Variants in USP36 observed in about 807,000 individuals in gnomAD.
USP36 encodes ubiquitin carboxyl-terminal hydrolase 36.
In USP36, 59 loss-of-function variants were observed where a neutral mutation model predicts 111.5. The ratio of observed to expected loss-of-function variants is 0.53; its 90% CI spans 0.43 to 0.66. USP36 has a LOEUF of 0.66. Ranked by LOEUF, USP36 falls within the 30% of genes least tolerant of loss-of-function variation. The pLI is 0.00. For synonymous variants in USP36, 628 were observed against 581.0 expected, an observed-to-expected ratio of 1.08 and a Z score of -1.16; for missense variants, 1,488 against 1,468.0, an observed-to-expected ratio of 1.01 and a Z score of -0.22.
At chr17:78,823,648 G>A (rs955254458) in intron 6 of USP36, among the ~76,000 whole-genome samples, 7 of 152,178 alleles carry the variant, frequency 4.6e-5, no homozygotes, top group Admixed American at 6.5e-5. Flanking sequence ...TCACAGGCAC[G>A]CAGCTGGAGT....
intron 14 of USP36, 47 bp downstream of exon 14, chr17:78,806,912 T>C (rs2093917192): frequency 1.9e-6 from 3 of 1,591,640 alleles, no homozygotes; most frequent in East Asian, 2.2e-5. Flanking sequence ...AAGCAACTCT[T>C]GGAGCTCTCC....
intron 2 of USP36, among the ~76,000 whole-genome samples, chr17:78,837,896 A>G (rs1346835380): frequency 2.6e-5 from 4 of 152,178 alleles, no homozygotes; most frequent in Non-Finnish European, 5.9e-5. Context: ...AATTCTATAC[A>G]TGGATCAAGT....
chr17:78,798,825 C>T lies in USP36; in HGVS notation c.3240+83G>A, dbSNP rs564445034. On this transcript the variant is annotated intron_variant, in intron 19 of 20. Transcript: ENST00000449938. This position sits in a 1 kb window ranked among gnomAD's most constrained non-coding sequence, Gnocchi z 5.1. ...CATGCTCGGCCGCTTCATGCCACTG[C>T]CGCCACCTCCAACTGCCCCGGCTCT... The T allele has an allele frequency of 6.6e-6, 10 of 1,521,564 alleles. No individual in the cohort carries two copies. In the East Asian group the frequency reaches 1.4e-4, roughly 21 times the overall value. 94.3% of individuals were successfully genotyped at this position (1,521,564 alleles called of 1,614,324 possible).
At position 78,833,101 on chromosome 17, in the gene USP36, T is replaced by C. The variant is rs137984862; in HGVS notation, c.475+2179A>G. ...AGGCGGGGGTTGCAGTGAGCCGAGA[T>C]TGCACCACTGCACTCCAGCCTGGGC... On this transcript the variant is annotated intron_variant, in intron 4 of 20. Transcript: ENST00000449938. Among the ~76,000 whole-genome samples, 810 of 151,902 alleles carry C rather than the reference T, an allele frequency of 5.3e-3. 7 individuals carry two copies. The highest frequency in any genetic ancestry group is 0.018 in the African/African-American group (750 of 41,454).
chr17:78,806,003 T>G (rs1227100077), intron 15 of USP36, among the ~76,000 whole-genome samples, 153 bp downstream of exon 15: 1 of 152,106 alleles, frequency 6.6e-6, no homozygotes, highest in Non-Finnish European at 1.5e-5. Flanking sequence ...AAGAGGGGGA[T>G]CTTGGTCAGT....
At position 78,838,610 on chromosome 17, in the gene USP36, G is replaced by C. The variant is rs1396337629; in HGVS notation, c.-33C>G. ...ACCTGGGATGTGCAGACTTGGGCCT[G>C]CTGTCCTACTGCGGCATGGAACCAG... On this transcript the variant is annotated 5_prime_UTR_variant, in exon 2 of 21. Coordinates refer to ENST00000449938, the MANE Select transcript of USP36 (RefSeq NM_001385174.1). 6.6e-6 allele frequency: 1 copy of C among 152,246 alleles called. No individual in the cohort carries two copies. Among genetic ancestry groups the C allele is most frequent in the Non-Finnish European group, 1.5e-5 (1 of 68,070 alleles). 9.4% of individuals were successfully genotyped at this position (152,246 alleles called of 1,614,324 possible). A position where few individuals can be genotyped will look rare whatever the true frequency, so the allele number is the denominator to read the frequency against.
chr17:78,825,556 G>A (rs755375185), intron 6 of USP36, among the ~76,000 whole-genome samples: 1 of 151,924 alleles, frequency 6.6e-6, no homozygotes, highest in Non-Finnish European at 1.5e-5. Context: ...TGGTACCAAC[G>A]AATGGCTCAC....
chr17:78,787,638 G>C (rs924994209), exon 4 of USP36: 6 of 152,236 alleles, frequency 3.9e-5, no homozygotes, highest in Non-Finnish European at 5.9e-5. Context: ...CCACTCTCGT[G>C]AATCAGCACC....
intron 3 of USP36, among the ~76,000 whole-genome samples, chr17:78,788,356 G>A (rs940817270): frequency 2.0e-5 from 3 of 152,034 alleles, no homozygotes; most frequent in Admixed American, 2.0e-4. Context: ...GTAGAGACAG[G>A]GTTTCACCAT....
chr17:78,822,114 G>T, intron 6 of USP36, 110 bp from the exon 7 acceptor site: 3 of 1,284,094 alleles, frequency 2.3e-6, no homozygotes, highest in Non-Finnish European at 3.3e-6. Context: ...CGTGAGGCTG[G>T]GAAACTCCAC....
intron 6 of USP36, among the ~76,000 whole-genome samples, chr17:78,825,829 C>A (rs1430292295): frequency 3.3e-5 from 5 of 152,184 alleles, no homozygotes; most frequent in Non-Finnish European, 7.4e-5. Context: ...ACACCGCAAC[C>A]CTCCTCCTGG....
Position 78,798,147 on chromosome 17 carries a change from TAC to T in USP36, c.*20+251_*20+252del, listed in dbSNP as rs2093658412. On this transcript the variant is annotated intron_variant, in intron 20 of 20. Coordinates refer to ENST00000449938, the MANE Select transcript of USP36 (RefSeq NM_001385174.1). The surrounding 1 kb of genome is among the most constrained non-coding windows in gnomAD (Gnocchi z 5.1). Reference sequence around the variant, plus strand: ...TACACACCCCACACCCAACACACACTACACACACCCCCTTATACACACGCATC... The same window carrying T: ...TACACACCCCACACCCAACACACACTACACACCCCCTTATACACACGCATC... 2.1e-6 allele frequency: 1 copy of T among 480,182 alleles called. No individual in the cohort carries two copies. The highest frequency in any genetic ancestry group is 3.7e-6 in the Non-Finnish European group (1 of 269,248). The allele number at this position is 480,182 out of a possible 1,614,324, so 29.7% of individuals were successfully genotyped here.
chr17:78,814,631 A>G, intron 10 of USP36, 79 bp from the exon 11 acceptor site: 2 of 1,522,072 alleles, frequency 1.3e-6, no homozygotes, highest in African/African-American at 1.4e-5. Flanking sequence ...ATCCACAACC[A>G]CACAAAATGC....
Position 78,821,060 on chromosome 17 carries a change from C to T in USP36, c.759G>A (p.Val253=). ...QIFGGYLRSR[V]KCSVCKSVSD... Reference sequence around the variant, plus strand: ...AGACGCTCTTGCACACGGAGCACTTCACTGCAACAGAACAGAGGCAGTGGA... The same window carrying T: ...AGACGCTCTTGCACACGGAGCACTTTACTGCAACAGAACAGAGGCAGTGGA... The change falls in exon 8 of 21, where the codon GTG becomes GTA. Residue 253 remains valine, a splice_region_variant and synonymous_variant. Coordinates refer to ENST00000449938, the MANE Select transcript of USP36 (RefSeq NM_001385174.1). The T allele has an allele frequency of 6.2e-7, 1 of 1,600,146 alleles. No individual in the cohort carries two copies. Among genetic ancestry groups the T allele is most frequent in the South Asian group, 1.1e-5 (1 of 88,758 alleles).
intron 7 of USP36, chr17:78,821,412 ATATATATATTTT>A (rs1197607094): frequency 1.6e-5 from 1 of 63,818 alleles, no homozygotes. Context: ...ATATATATAT[ATATATATATTTT>A]TTTTTTTTTT....
At chr17:78,819,025 C>CTGT in intron 9 of USP36, 1 of 342,308 alleles carries the variant, frequency 2.9e-6, no homozygotes, top group Non-Finnish European at 5.5e-6. Flanking sequence ...AGTACTGTAC[C>CTGT]CACCAGGAAA....
chr17:78,835,877 G>A (rs574102110), intron 3 of USP36: 5 of 639,710 alleles, frequency 7.8e-6, no homozygotes, highest in African/African-American at 5.5e-5. Context: ...TTGGGATAGG[G>A]GGACAGCAAG....
At chr17:78,825,120 G>A (rs1004466556) in intron 6 of USP36, among the ~76,000 whole-genome samples, 1 of 152,102 alleles carries the variant, frequency 6.6e-6, no homozygotes, top group Non-Finnish European at 1.5e-5. Context: ...TATAGAAAAT[G>A]AAAACTGCAT....
intron 17 of USP36, among the ~76,000 whole-genome samples, chr17:78,802,094 C>T (rs2093759616): frequency 6.6e-6 from 1 of 150,508 alleles, no homozygotes; most frequent in African/African-American, 2.4e-5. Flanking sequence ...CACGCGGTCC[C>T]CCACCCCCTT....
Sources: allele counts gnomAD v4.1 joint callset (sites outside exome capture counted in the v4.1 genomes callset), GRCh38; gene constraint gnomAD v4.1.1; non-coding constraint Gnocchi (gnomAD v3.1); transcripts MANE v1.5; gene names NCBI Gene and HGNC (gene_info 2026-07-23, HGNC 2026-07-21).